ASAP1: variants seen among roughly 807,000 people sequenced by gnomAD.
The protein encoded by ASAP1 is arf-GAP with SH3 domain, ANK repeat and PH domain-containing protein 1.
A neutral mutation model predicts 145.2 loss-of-function variants in ASAP1; 43 were observed. The observed-to-expected ratio is 0.30, with a 90% CI of 0.23 to 0.38. The LOEUF is 0.38. ASAP1 is among the 10% of genes least tolerant of loss of function. ASAP1 has a pLI of 1.00. For synonymous variants in ASAP1, 546 were observed against 515.5 expected (o/e 1.06, Z -0.80); for missense variants, 1,018 against 1,355.3 (o/e 0.75, Z 3.91).
chr8:130,220,984 C>T (rs1419824806), intron 4 of ASAP1, among the ~76,000 whole-genome samples: 2 of 152,010 alleles, frequency 1.3e-5, no homozygotes, highest in African/African-American at 4.8e-5. Flanking sequence ...GGTCCCTCCC[C>T]CAACATGTGG....
intron 3 of ASAP1, among the ~76,000 whole-genome samples, chr8:130,309,733 C>G (rs943989488): frequency 3.3e-5 from 5 of 152,154 alleles, no homozygotes; most frequent in African/African-American, 1.2e-4. Context: ...TGAGAAAACT[C>G]AATGCAAACA....
chr8:130,438,068 G>A (rs2138828182), intron 1 of ASAP1, among the ~76,000 whole-genome samples: 1 of 152,314 alleles, frequency 6.6e-6, no homozygotes, highest in Non-Finnish European at 1.5e-5. Flanking sequence ...GGCAGCAGAC[G>A]CCCTCAGTCG....
intron 4 of ASAP1, among the ~76,000 whole-genome samples, chr8:130,224,232 T>C (rs1817460730): frequency 6.6e-6 from 1 of 152,196 alleles, no homozygotes; most frequent in African/African-American, 2.4e-5. Flanking sequence ...GCCAGCCATA[T>C]AAAATACAGT....
chr8:130,403,551 T>C (rs1202937007), intron 1 of ASAP1, among the ~76,000 whole-genome samples: 2 of 128,140 alleles, frequency 1.6e-5, no homozygotes, highest in Non-Finnish European at 3.2e-5. Flanking sequence ...TCTTTTTCTT[T>C]TTCTTTTTTT....
chr8:130,054,848 A>C, intron 29 of ASAP1, 43 bp from the exon 30 acceptor site: 1 of 1,546,244 alleles, frequency 6.5e-7, no homozygotes, highest in Non-Finnish European at 8.9e-7. Flanking sequence ...GGCAGCAGGC[A>C]GTGGCCCCAC....
chr8:130,226,609 T>C (rs886311168), intron 4 of ASAP1, among the ~76,000 whole-genome samples: 1 of 152,116 alleles, frequency 6.6e-6, no homozygotes, highest in African/African-American at 2.4e-5. Flanking sequence ...TCAGCAAGAG[T>C]CTGGCCCCAG....
chr8:130,083,488 G>C (rs1280507636), intron 25 of ASAP1: 1 of 152,202 alleles, frequency 6.6e-6, no homozygotes, highest in African/African-American at 2.4e-5. Context: ...GTGTGGCTTT[G>C]AATTCTAGCT....
At chr8:130,092,185 T>C in intron 24 of ASAP1, 42 bp from the exon 25 acceptor site, 1 of 1,541,812 alleles carries the variant, frequency 6.5e-7, no homozygotes, top group Non-Finnish European at 8.7e-7. Flanking sequence ...TTAATCCCAG[T>C]CTCACAGATA....
chr8:130,072,831 G>GCGCGCGCACGCGCT lies in ASAP1; in HGVS notation c.2701+3516_2701+3517insAGCGCGTGCGCGCG, dbSNP rs58907739. Reference sequence around the variant, plus strand: ...TGTGTGTGTGTGTGTGTGTGCGCGCGGGGGGGGGCAGTTTTGGGGACTGAG... The same window carrying GCGCGCGCACGCGCT: ...TGTGTGTGTGTGTGTGTGTGCGCGCGCGCGCGCACGCGCTGGGGGGGGCAGTTTTGGGGACTGAG... On this transcript the variant is annotated intron_variant, in intron 27 of 29. Transcript: ENST00000518721. Among the ~76,000 whole-genome samples, 3 of 110,706 alleles carry GCGCGCGCACGCGCT rather than the reference G, an allele frequency of 2.7e-5. 1 individual carries two copies. Among genetic ancestry groups the GCGCGCGCACGCGCT allele is most frequent in the Admixed American group, 1.7e-4 (2 of 11,494 alleles). 72.6% of individuals were successfully genotyped at this position (110,706 alleles called of 152,430 possible).
intron 3 of ASAP1, among the ~76,000 whole-genome samples, chr8:130,308,245 C>T (rs929447331): frequency 7.2e-5 from 11 of 152,088 alleles, no homozygotes; most frequent in African/African-American, 2.4e-4. Flanking sequence ...GTGTTTTCTC[C>T]CACTGGATTA....
intron 13 of ASAP1, among the ~76,000 whole-genome samples, chr8:130,138,598 A>AGGCT (rs1382998514): frequency 1.1e-4 from 17 of 152,170 alleles, no homozygotes; most frequent in Non-Finnish European, 2.4e-4. Context: ...GCACTTTGAA[A>AGGCT]GGCTGAGGTG....
intron 25 of ASAP1, among the ~76,000 whole-genome samples, chr8:130,087,381 A>C (rs1344977731): frequency 6.6e-6 from 1 of 152,122 alleles, no homozygotes; most frequent in Non-Finnish European, 1.5e-5. Flanking sequence ...TCAGCTGGAC[A>C]TTGTGGCGGG....
chr8:130,069,238 A>C (rs2097436778), intron 27 of ASAP1, among the ~76,000 whole-genome samples: 1 of 152,186 alleles, frequency 6.6e-6, no homozygotes, highest in South Asian at 2.1e-4. Context: ...AGTTAAAACA[A>C]AGGTCTTTGT....
Position 130,098,594 on chromosome 8 carries a change from C to T in ASAP1, c.2402-6451G>A, listed in dbSNP as rs566056949. 4.6e-5 allele frequency among the ~76,000 whole-genome samples: 7 copies of T among 152,260 alleles called. No individual in the cohort carries two copies. The East Asian group carries it at 1.3e-3, about 29-fold the overall frequency. On this transcript the variant is annotated intron_variant, in intron 24 of 29. Coordinates refer to ENST00000518721, the MANE Select transcript of ASAP1 (RefSeq NM_018482.4). ...CAAACCCCTGATCTCATGATCCGCC[C>T]GCCTCGGCCTCCCAAAGTGCCGAGA...
intron 3 of ASAP1, among the ~76,000 whole-genome samples, chr8:130,356,003 T>C (rs1826285055): frequency 1.3e-5 from 2 of 152,246 alleles, no homozygotes; most frequent in South Asian, 4.1e-4. Flanking sequence ...CTAGCCTGGT[T>C]CCAAGTTCCT....
chr8:130,384,398 C>G (rs191342429), intron 2 of ASAP1, among the ~76,000 whole-genome samples: 1 of 152,326 alleles, frequency 6.6e-6, no homozygotes, highest in African/African-American at 2.4e-5. Context: ...CACCCTCCCC[C>G]TCTTCTTACT....
intron 9 of ASAP1, among the ~76,000 whole-genome samples, chr8:130,173,070 A>G (rs566616187): frequency 6.6e-6 from 1 of 152,170 alleles, no homozygotes; most frequent in Non-Finnish European, 1.5e-5. Context: ...TTTCTTAAGG[A>G]TATCACGTAT....
At chr8:130,278,091 A>T (rs1402705750) in intron 3 of ASAP1, among the ~76,000 whole-genome samples, 3 of 152,134 alleles carry the variant, frequency 2.0e-5, no homozygotes. Context: ...AAAAAATCAA[A>T]GGGCCTTATA....
At chr8:130,183,499 C>T (rs972148724) in intron 7 of ASAP1, among the ~76,000 whole-genome samples, 1 of 151,976 alleles carries the variant, frequency 6.6e-6, no homozygotes, top group Non-Finnish European at 1.5e-5. Flanking sequence ...CGCCACCACG[C>T]CCAGCTAATT....
Sources: allele counts gnomAD v4.1 joint callset (sites outside exome capture counted in the v4.1 genomes callset), GRCh38; gene constraint gnomAD v4.1.1; transcripts MANE v1.5; gene names NCBI Gene and HGNC (gene_info 2026-07-23, HGNC 2026-07-21).